Variants in AMN1 observed in about 807,000 individuals in gnomAD.
The protein encoded by AMN1 is antagonist of mitotic exit network 1 homolog, also known as protein AMN1 homolog.
Under a neutral mutation model 33.0 loss-of-function variants are expected in AMN1, and 20 were observed. The ratio of observed to expected loss-of-function variants is 0.61; its 90% CI spans 0.43 to 0.88. AMN1 has a LOEUF of 0.88. Ranked by LOEUF, AMN1 falls within the 40% of genes least tolerant of loss-of-function variation. The pLI, the probability that AMN1 is intolerant of heterozygous loss-of-function variation, is 0.00. For missense variants in AMN1, 246 were observed against 307.4 expected (o/e 0.80, Z 1.49); for synonymous variants, 114 against 111.9 (o/e 1.02, Z -0.12).
At chr12:31,673,913 GT>G (rs1399435066) in intron 6 of AMN1, among the ~76,000 whole-genome samples, 2 of 152,104 alleles carry the variant, frequency 1.3e-5, no homozygotes, top group Non-Finnish European at 2.9e-5. Flanking sequence ...CAACAAATTT[GT>G]TATTGTACAG....
intron 3 of AMN1, among the ~76,000 whole-genome samples, chr12:31,701,495 C>T (rs1246060148): frequency 6.6e-6 from 1 of 151,902 alleles, no homozygotes; most frequent in African/African-American, 2.4e-5. Flanking sequence ...AGGTAGGGGT[C>T]GGGGGCGGTC....
At chr12:31,673,489 G>T in intron 6 of AMN1, 1 of 221,664 alleles carries the variant, frequency 4.5e-6, no homozygotes, top group Non-Finnish European at 9.4e-6. Flanking sequence ...TTATTGTAGA[G>T]GAAATCTCAA....
intron 1 of AMN1, among the ~76,000 whole-genome samples, chr12:31,712,387 A>C (rs1939501484): frequency 6.6e-6 from 1 of 152,030 alleles, no homozygotes; most frequent in African/African-American, 2.4e-5. Flanking sequence ...AGCTGGGATT[A>C]CAGGCACATG....
At position 31,700,597 on chromosome 12, in the gene AMN1, G is replaced by T. The variant is rs534887290; in HGVS notation, c.316+1266C>A. 3.9e-5 allele frequency among the ~76,000 whole-genome samples: 6 copies of T among 151,914 alleles called. No homozygotes were observed. The South Asian group carries it at 1.2e-3, about 32-fold the overall frequency. On this transcript the variant is annotated intron_variant, in intron 3 of 6. Coordinates refer to ENST00000281471, the MANE Select transcript of AMN1 (RefSeq NM_001113402.2). ...CATCAAAAAAGCCTTAACAAAATAT[G>T]AACTGGTCATTTCTTCTTCCACTAT...
intron 6 of AMN1, among the ~76,000 whole-genome samples, chr12:31,685,514 CA>C (rs1283734921): frequency 3.3e-5 from 5 of 152,030 alleles, no homozygotes; most frequent in African/African-American, 9.7e-5. Flanking sequence ...ATAGAACGCT[CA>C]AACAGCTGGG....
intron 2 of AMN1, among the ~76,000 whole-genome samples, chr12:31,706,829 C>T (rs889967511): frequency 6.6e-6 from 1 of 152,030 alleles, no homozygotes; most frequent in Admixed American, 6.6e-5. Context: ...CTTACCACTA[C>T]CAGAGAGTAT....
chr12:31,702,008 C>G lies in AMN1; in HGVS notation c.172-1G>C, dbSNP rs771131665. On this transcript the variant is annotated splice_acceptor_variant, in intron 2 of 6. Coordinates refer to ENST00000281471, the MANE Select transcript of AMN1 (RefSeq NM_001113402.2). LOFTEE classifies it high-confidence loss of function. Reference sequence around the variant, plus strand: ...GAGTTTGGACTTCAGGATGTAAAATCTATAACAAATAAGTGATTTTGAAAA... The same window carrying G: ...GAGTTTGGACTTCAGGATGTAAAATGTATAACAAATAAGTGATTTTGAAAA... 1 of 1,583,652 alleles carries G rather than the reference C, an allele frequency of 6.3e-7. No homozygotes were observed. The highest frequency in any genetic ancestry group is 8.5e-7 in the Non-Finnish European group (1 of 1,170,144).
chr12:31,719,532 ATGT>A (rs1440420238), intron 1 of AMN1, among the ~76,000 whole-genome samples: 2 of 152,196 alleles, frequency 1.3e-5, no homozygotes, highest in African/African-American at 2.4e-5. Flanking sequence ...GTAAGAACTT[ATGT>A]AGCATTTTAT....
rs182849179 is a variant in AMN1, at chr12:31,701,845, C to T, written c.316+18G>A. On this transcript the variant is annotated intron_variant, in intron 3 of 6. Coordinates refer to ENST00000281471, the MANE Select transcript of AMN1 (RefSeq NM_001113402.2). ...GTGAATAGTAATCTACCAATGTACT[C>T]AGTGTTAATAAACATACCTTCTGAA... 5,360 of 1,579,536 alleles carry T rather than the reference C, an allele frequency of 3.4e-3. 9 individuals carry two copies. Among genetic ancestry groups the T allele is most frequent in the Non-Finnish European group, 4.3e-3 (5,073 of 1,169,156 alleles).
chr12:31,677,043 A>G (rs1937747376), intron 6 of AMN1, among the ~76,000 whole-genome samples: 1 of 151,768 alleles, frequency 6.6e-6, no homozygotes, highest in Admixed American at 6.5e-5. Context: ...TCACACCTGT[A>G]ATCCCAGCAC....
chr12:31,729,121 G>T (rs1211333726), upstream of AMN1: 2 of 1,210,446 alleles, frequency 1.7e-6, no homozygotes, highest in Non-Finnish European at 2.3e-6. Context: ...GACGTCACAC[G>T]GATTTTTCCG....
intron 6 of AMN1, among the ~76,000 whole-genome samples, chr12:31,676,573 T>A (rs536767080): frequency 1.2e-4 from 18 of 148,620 alleles, no homozygotes; most frequent in Non-Finnish European, 2.1e-4. Context: ...CTGCCCGCCT[T>A]GGCCTCCCAA....
At chr12:31,700,392 C>T (rs1319055854) in intron 3 of AMN1, among the ~76,000 whole-genome samples, 2 of 151,540 alleles carry the variant, frequency 1.3e-5, no homozygotes, top group Admixed American at 1.3e-4. Flanking sequence ...AGTATTAATG[C>T]AAACCAAATA....
intron 6 of AMN1, among the ~76,000 whole-genome samples, chr12:31,680,362 G>A (rs915007498): frequency 5.3e-5 from 8 of 151,682 alleles, no homozygotes; most frequent in East Asian, 2.0e-4. Flanking sequence ...CACCACGCCC[G>A]ACTCATTTCT....
rs957898982 is a variant in AMN1 at position 31,671,195 on chromosome 12, A to G, written c.*1109T>C. ...TTGAATTTGTCTTTAGAAAAATTTC[A>G]TAGTTAGAACAGGCCTTACCCATTT... On this transcript the variant is annotated 3_prime_UTR_variant, in exon 7 of 7. Coordinates refer to ENST00000281471, the MANE Select transcript of AMN1 (RefSeq NM_001113402.2). 6.6e-6 allele frequency: 1 copy of G among 152,206 alleles called. No homozygotes were observed. Among genetic ancestry groups the G allele is most frequent in the African/African-American group, 2.4e-5 (1 of 41,454 alleles). The allele number at this position is 152,206 out of a possible 1,614,324, so 9.4% of individuals were successfully genotyped here. A position where few individuals can be genotyped will look rare whatever the true frequency, so the allele number is the denominator to read the frequency against.
At chr12:31,713,200 A>C (rs1166068968) in intron 1 of AMN1, among the ~76,000 whole-genome samples, 1 of 151,860 alleles carries the variant, frequency 6.6e-6, no homozygotes, top group Non-Finnish European at 1.5e-5. Flanking sequence ...GAGAGATGTA[A>C]TGTTCTCTCT....
intron 1 of AMN1, 56 bp from the exon 2 acceptor site, chr12:31,709,481 C>A: frequency 6.5e-7 from 1 of 1,549,520 alleles, no homozygotes; most frequent in South Asian, 1.2e-5. Context: ...ATTCCTAACA[C>A]TTGTCTTAAT....
intron 2 of AMN1, among the ~76,000 whole-genome samples, chr12:31,705,904 C>CA (rs1215181462): frequency 6.6e-6 from 1 of 152,146 alleles, no homozygotes; most frequent in Non-Finnish European, 1.5e-5. Context: ...TCAATCAGCC[C>CA]AAGTTCCATT....
intron 6 of AMN1, among the ~76,000 whole-genome samples, chr12:31,684,844 A>G (rs1016361366): frequency 6.6e-6 from 1 of 152,128 alleles, no homozygotes; most frequent in Non-Finnish European, 1.5e-5. Flanking sequence ...AGAAAGTATT[A>G]TTTCAATTAC....
Sources: gnomAD v4.1 joint callset for allele counts (sites outside exome capture counted in the v4.1 genomes callset) on GRCh38, gnomAD v4.1.1 for gene constraint, MANE v1.5 for transcripts, NCBI Gene and HGNC (gene_info 2026-07-23, HGNC 2026-07-21) for gene names.